The following HAT1 variants were observed in gnomAD, a reference collection of about 807,000 sequenced individuals.
The protein encoded by HAT1 is histone acetyltransferase type B catalytic subunit.
In HAT1, 20 loss-of-function variants were observed where a neutral mutation model predicts 56.6. That is an observed-to-expected ratio of 0.35 (90% CI 0.25 to 0.51). The LOEUF is 0.51. Among genes scored for constraint, HAT1 ranks in the 20% least tolerant of loss-of-function variants. HAT1 has a pLI of 0.95. For missense variants in HAT1, 408 were observed against 504.3 expected (o/e 0.81, Z 1.83); for synonymous variants, 146 against 165.5 (o/e 0.88, Z 0.91).
At position 171,977,555 on chromosome 2, in the gene HAT1, ATATTTTTTTTT is replaced by A. The variant is rs1364127925; in HGVS notation, c.975+1249_975+1259del. 4.5e-3 allele frequency among the ~76,000 whole-genome samples: 50 copies of A among 11,204 alleles called. No homozygotes were observed. The Admixed American group carries it at 0.048, about 11-fold the overall frequency. 7.4% of individuals were successfully genotyped at this position (11,204 alleles called of 152,430 possible). On this transcript the variant is annotated intron_variant, in intron 9 of 10. Transcript: ENST00000264108. ...TATATATATATATATATATATATAT[ATATTTTTTTTT>A]TTTTTTTTTTTTTAATGGTGCTTTC...
In HAT1 at chr2:171,979,669, T is replaced by G. The variant is rs535345007; in HGVS notation, c.1092+306T>G. 47 of 202,466 alleles carry G rather than the reference T, an allele frequency of 2.3e-4. No individual in the cohort carries two copies. The South Asian group carries it at 3.6e-3, about 16-fold the overall frequency. 12.5% of individuals were successfully genotyped at this position (202,466 alleles called of 1,614,324 possible). A position where few individuals can be genotyped will look rare whatever the true frequency, so the allele number is the denominator to read the frequency against. On this transcript the variant is annotated intron_variant, in intron 10 of 10. Coordinates refer to ENST00000264108, the MANE Select transcript of HAT1 (RefSeq NM_003642.4). ...CTAAAAATACAAACATTAGCTAGGC[T>G]TGGTGGTGGGCGCCTGTAATACAGT...
intron 2 of HAT1, among the ~76,000 whole-genome samples, chr2:171,938,206 C>G (rs1193030337): frequency 6.6e-6 from 1 of 152,012 alleles, no homozygotes; most frequent in Admixed American, 6.6e-5. Flanking sequence ...CCAGTCTGGG[C>G]AACATAGCAA....
intron 1 of HAT1, 56 bp from the exon 2 acceptor site, chr2:171,925,481 G>A: frequency 1.3e-6 from 1 of 798,636 alleles, no homozygotes; most frequent in South Asian, 1.4e-5. Flanking sequence ...CCCTATTGCA[G>A]GTTTGACAAT....
intron 3 of HAT1, among the ~76,000 whole-genome samples, chr2:171,949,250 C>T (rs1687244254): frequency 6.6e-6 from 1 of 151,952 alleles, no homozygotes; most frequent in Admixed American, 6.6e-5. Context: ...CTTGCTCTGT[C>T]ACCCAGGCTG....
chr2:171,924,891 A>G (rs1181327609), intron 1 of HAT1: 1 of 152,166 alleles, frequency 6.6e-6, no homozygotes, highest in Admixed American at 6.5e-5. Flanking sequence ...TTTACATCTT[A>G]TAATGAAAAA....
At chr2:171,941,798 C>A (rs1466861633) in intron 2 of HAT1, among the ~76,000 whole-genome samples, 3 of 152,234 alleles carry the variant, frequency 2.0e-5, no homozygotes, top group Non-Finnish European at 4.4e-5. Context: ...AGGCCACAAA[C>A]CGATACATGG....
chr2:171,926,460 A>AT (rs974519519), intron 2 of HAT1, among the ~76,000 whole-genome samples: 4 of 151,942 alleles, frequency 2.6e-5, no homozygotes, highest in Non-Finnish European at 5.9e-5. Context: ...CGCCCGGCTA[A>AT]TTTTTTGTAT....
intron 2 of HAT1, among the ~76,000 whole-genome samples, chr2:171,942,870 A>G (rs554885901): frequency 6.6e-6 from 1 of 152,294 alleles, no homozygotes; most frequent in African/African-American, 2.4e-5. Context: ...AATTATTATC[A>G]TAACTAGGCT....
intron 8 of HAT1, 52 bp from the exon 9 acceptor site, chr2:171,976,105 A>G: frequency 2.9e-6 from 3 of 1,043,682 alleles, no homozygotes; most frequent in Non-Finnish European, 1.2e-6. Flanking sequence ...AGATGAAGAA[A>G]TTATATTGAG....
At chr2:171,979,517 C>A in intron 10 of HAT1, 154 bp downstream of exon 10, 1 of 555,336 alleles carries the variant, frequency 1.8e-6, no homozygotes, top group Non-Finnish European at 3.2e-6. Flanking sequence ...TATAAAAATT[C>A]TCACTCATGG....
chr2:171,943,806 T>C (rs1445660997), intron 2 of HAT1, among the ~76,000 whole-genome samples: 1 of 151,052 alleles, frequency 6.6e-6, no homozygotes, highest in Non-Finnish European at 1.5e-5. Context: ...TTTTCAATAC[T>C]GCGTAATTTC....
chr2:171,926,450 C>T (rs1048105544), intron 2 of HAT1, among the ~76,000 whole-genome samples: 17 of 152,162 alleles, frequency 1.1e-4, no homozygotes, highest in African/African-American at 3.9e-4. Flanking sequence ...TGCGCCACCA[C>T]GCCCGGCTAA....
Position 171,952,974 on chromosome 2 carries a change from A to G in HAT1, c.282A>G (p.Lys94=), listed in dbSNP as rs1322348545. ...STMFRVEYAS[K]VDENFDCVEA... ...TGTTCCGTGTTGAATATGCATCTAA[A>G]GTTGATGAGAACTTTGACTGTGTAG... is the stretch of plus-strand genomic sequence containing the variant. Residue 94 remains lysine (K), a synonymous_variant, in exon 4 of 11, where the codon AAA becomes AAG. Transcript: ENST00000264108. 1.3e-6 allele frequency: 2 copies of G among 1,592,126 alleles called. No individual in the cohort carries two copies. Among genetic ancestry groups the G allele is most frequent in the South Asian group, 2.2e-5 (2 of 89,774 alleles).
intron 3 of HAT1, 27 bp downstream of exon 3, chr2:171,946,810 A>G (rs373750234): frequency 1.1e-4 from 113 of 1,066,816 alleles, no homozygotes; most frequent in Admixed American, 3.5e-4. Flanking sequence ...AATATTTGTC[A>G]AATTAGTATG....
Position 171,976,529 on chromosome 2 carries a change from C to T in HAT1, c.975+221C>T, listed in dbSNP as rs190514575. ...AATTTACCTCGTGCCTCAGTTTCCT[C>T]ATTAATAAAATGGGAAGATAATAGG... On this transcript the variant is annotated intron_variant, in intron 9 of 10. Transcript: ENST00000264108. 4.8e-4 allele frequency among the ~76,000 whole-genome samples: 73 copies of T among 152,118 alleles called. 2 individuals carry two copies. Among genetic ancestry groups the T allele is most frequent in the Non-Finnish European group, 2.6e-4 (18 of 68,000 alleles).
At chr2:171,940,695 G>T (rs1288115555) in intron 2 of HAT1, among the ~76,000 whole-genome samples, 1 of 152,048 alleles carries the variant, frequency 6.6e-6, no homozygotes, top group Non-Finnish European at 1.5e-5. Flanking sequence ...GCTTGGTCTC[G>T]ATGTAACTAA....
intron 4 of HAT1, 146 bp downstream of exon 4, chr2:171,953,147 C>A (rs373643960): frequency 1.8e-4 from 80 of 451,162 alleles, no homozygotes; most frequent in Admixed American, 1.3e-3. Context: ...GAGTTCGAGA[C>A]CAGCCTGGCC....
chr2:171,979,590 C>G (rs1009235036), intron 10 of HAT1: 4 of 364,370 alleles, frequency 1.1e-5, no homozygotes, highest in African/African-American at 8.5e-5. Flanking sequence ...GGTGGATCAC[C>G]TCAGGTCAGA....
chr2:171,979,987 C>T (rs541317047), intron 10 of HAT1: 3 of 152,160 alleles, frequency 2.0e-5, no homozygotes, highest in Admixed American at 6.6e-5. Context: ...CATGATAACA[C>T]GTGCCTGTAA....
Sources: allele counts gnomAD v4.1 joint callset (sites outside exome capture counted in the v4.1 genomes callset), GRCh38; gene constraint gnomAD v4.1.1; transcripts MANE v1.5; gene names NCBI Gene and HGNC (gene_info 2026-07-23, HGNC 2026-07-21).